The following KIF16B variants were observed in gnomAD, a reference collection of about 807,000 sequenced individuals.
The protein encoded by KIF16B is kinesin-like protein KIF16B.
Under a neutral mutation model 156.3 loss-of-function variants are expected in KIF16B, and 98 were observed. The observed-to-expected ratio is 0.63, with a 90% CI of 0.53 to 0.74. The LOEUF (loss-of-function observed/expected upper bound fraction) is 0.74, where lower values mean the gene tolerates loss of function less well. Ranked by LOEUF, KIF16B falls within the 30% of genes least tolerant of loss-of-function variation. The pLI is 0.00. For missense variants in KIF16B, 1,421 were observed against 1,606.5 expected, an observed-to-expected ratio of 0.88 and a Z score of 1.97; for synonymous variants, 564 against 583.7, an observed-to-expected ratio of 0.97 and a Z score of 0.49.
chr20:16,562,202 G>T (rs1428010835), intron 1 of KIF16B, among the ~76,000 whole-genome samples: 1 of 152,094 alleles, frequency 6.6e-6, no homozygotes, highest in Admixed American at 6.5e-5. Context: ...AGAGTATTCT[G>T]CCCTATAAAC....
chr20:16,548,264 A>G (rs1018357433), intron 1 of KIF16B, among the ~76,000 whole-genome samples: 1 of 152,140 alleles, frequency 6.6e-6, no homozygotes, highest in African/African-American at 2.4e-5. Flanking sequence ...GGGAGCTACA[A>G]GGTTCGGAGG....
Position 16,368,126 on chromosome 20 carries a change from T to C in KIF16B, c.3498+2460A>G, listed in dbSNP as rs1424251239. The stretch of plus-strand genomic sequence containing the variant: ...CCCAAAGGTTCTGGTAGAGAACAAG[T>C]CACATGCCTAAGAAGGTCTTTTAAA... On this transcript the variant is annotated intron_variant, in intron 22 of 25. Transcript: ENST00000354981. 3 of 1,212,528 alleles carry C rather than the reference T, an allele frequency of 2.5e-6. No homozygotes were observed. The African/African-American group carries it at 4.6e-5, about 19-fold the overall frequency. 75.1% of individuals were successfully genotyped at this position (1,212,528 alleles called of 1,614,324 possible). A position where few individuals can be genotyped will look rare whatever the true frequency, so the allele number is the denominator to read the frequency against.
At chr20:16,435,433 T>G (rs931746685) in intron 12 of KIF16B, among the ~76,000 whole-genome samples, 1 of 152,236 alleles carries the variant, frequency 6.6e-6, no homozygotes, top group Non-Finnish European at 1.5e-5. Context: ...GTTTTATGTC[T>G]GGATGTTTAA....
chr20:16,560,936 T>C (rs2071035057), intron 1 of KIF16B, among the ~76,000 whole-genome samples: 1 of 152,182 alleles, frequency 6.6e-6, no homozygotes, highest in Non-Finnish European at 1.5e-5. Context: ...ATCAGTGTTT[T>C]TTTCAAACTA....
chr20:16,528,760 C>T (rs970977812), intron 1 of KIF16B, among the ~76,000 whole-genome samples: 3 of 151,498 alleles, frequency 2.0e-5, no homozygotes, highest in African/African-American at 7.3e-5. Context: ...AAAAAAGTAG[C>T]CCCCCTCACC....
At chr20:16,410,292 CAT>C (rs200877365) in intron 15 of KIF16B, among the ~76,000 whole-genome samples, 46 of 138,180 alleles carry the variant, frequency 3.3e-4, no homozygotes, top group South Asian at 6.9e-4. Context: ...TACGTACCTA[CAT>C]ATATATGTGT....
intron 25 of KIF16B, among the ~76,000 whole-genome samples, chr20:16,284,081 A>G (rs75976870): frequency 1.9e-3 from 288 of 152,342 alleles, no homozygotes; most frequent in African/African-American, 6.5e-3. Context: ...GGAGCTGGGG[A>G]AGGCCATGAA....
Position 16,564,867 on chromosome 20 carries a change from G to A in KIF16B, c.47+8362C>T, listed in dbSNP as rs997757246. ...GCCTCCCACCCCTCCACAGACTTGA[G>A]CCCGACCACCTGACTGTGCAGCCTC... On this transcript the variant is annotated intron_variant, in intron 1 of 25. Coordinates refer to ENST00000354981, the MANE Select transcript of KIF16B (RefSeq NM_024704.5). Among the ~76,000 whole-genome samples the A allele has an allele frequency of 5.9e-5, 9 of 151,746 alleles. No homozygotes were observed. In the South Asian group the frequency reaches 6.3e-4, roughly 11 times the overall value.
chr20:16,450,260 C>T (rs2067043802), intron 12 of KIF16B, among the ~76,000 whole-genome samples: 1 of 152,052 alleles, frequency 6.6e-6, no homozygotes, highest in Non-Finnish European at 1.5e-5. Context: ...ATACACACGC[C>T]TCAGTATTGG....
intron 11 of KIF16B, among the ~76,000 whole-genome samples, chr20:16,495,566 A>G (rs997461547): frequency 2.0e-5 from 3 of 152,212 alleles, no homozygotes; most frequent in African/African-American, 7.2e-5. Context: ...AAAGAAAATA[A>G]TAATGTTGCT....
At chr20:16,456,006 C>T (rs1324356521) in intron 12 of KIF16B, among the ~76,000 whole-genome samples, 5 of 152,124 alleles carry the variant, frequency 3.3e-5, no homozygotes, top group Admixed American at 3.3e-4. Context: ...TTATACATGG[C>T]AACTTGCTTT....
rs1464613671 is a variant in KIF16B at position 16,379,095 on chromosome 20, G to A, written c.2907C>T (p.Leu969=). The change falls in exon 19 of 26, where the codon CTC becomes CTT. Residue 969 remains leucine, a synonymous_variant. Transcript: ENST00000354981. ...TGGCAGTGAATTCAAAGGTGGCTTG[G>A]AGCTTTTGCAGCTGGTTTGCATTGG... ...YQANANQLQK[L]QATFEFTANI... The A allele has an allele frequency of 6.2e-7, 1 of 1,612,592 alleles. No individual in the cohort carries two copies. The highest frequency in any genetic ancestry group is 1.1e-5 in the South Asian group (1 of 90,880).
chr20:16,378,692 G>T, intron 19 of KIF16B, 113 bp downstream of exon 19: 1 of 1,116,366 alleles, frequency 9.0e-7, no homozygotes, highest in Non-Finnish European at 1.3e-6. Flanking sequence ...TAAAGAATAT[G>T]AAGGCTAAAA....
At chr20:16,286,016 T>C (rs1451000371) in intron 25 of KIF16B, among the ~76,000 whole-genome samples, 1 of 152,236 alleles carries the variant, frequency 6.6e-6, no homozygotes, top group African/African-American at 2.4e-5. Context: ...TAGCTCATTA[T>C]TAATGAACAC....
intron 12 of KIF16B, among the ~76,000 whole-genome samples, chr20:16,448,421 TGAAGAATCTGGCAAA>T (rs1243634771): frequency 6.6e-6 from 1 of 152,046 alleles, no homozygotes; most frequent in Non-Finnish European, 1.5e-5. Context: ...ACTAGACAAA[TGAAGAATCTGGCAAA>T]GTGTAGACCA....
At chr20:16,290,497 G>C (rs1030140175) in intron 25 of KIF16B, among the ~76,000 whole-genome samples, 3 of 152,170 alleles carry the variant, frequency 2.0e-5, no homozygotes, top group African/African-American at 7.2e-5. Context: ...CTGAATTCAG[G>C]GCAAGAGGGT....
intron 1 of KIF16B, among the ~76,000 whole-genome samples, chr20:16,570,802 C>G (rs929257292): frequency 1.1e-4 from 17 of 152,158 alleles, no homozygotes; most frequent in African/African-American, 4.1e-4. Context: ...GCTGGTTCTC[C>G]TTTACGGACT....
intron 22 of KIF16B, among the ~76,000 whole-genome samples, chr20:16,364,151 A>C (rs1166318811): frequency 6.6e-6 from 1 of 152,214 alleles, no homozygotes; most frequent in Non-Finnish European, 1.5e-5. Flanking sequence ...ATGCATGCAC[A>C]TTTTTAAAGT....
intron 1 of KIF16B, among the ~76,000 whole-genome samples, chr20:16,552,249 C>T (rs1019108579): frequency 4.6e-5 from 7 of 152,296 alleles, no homozygotes; most frequent in African/African-American, 1.7e-4. Context: ...ACAAGGAAGC[C>T]TTTAGCTTCC....
Sources: gnomAD v4.1 joint callset for allele counts (sites outside exome capture counted in the v4.1 genomes callset) on GRCh38, gnomAD v4.1.1 for gene constraint, MANE v1.5 for transcripts, NCBI Gene and HGNC (gene_info 2026-07-23, HGNC 2026-07-21) for gene names.